TAOK1: variants seen among roughly 807,000 people sequenced by gnomAD.
The protein encoded by TAOK1 is TAO kinase 1, also known as serine/threonine-protein kinase TAO1.
In TAOK1, 21 loss-of-function variants were observed where a neutral mutation model predicts 138.3. That is an observed-to-expected ratio of 0.15 (90% CI 0.11 to 0.22). The LOEUF (loss-of-function observed/expected upper bound fraction) is 0.22, where lower values mean the gene tolerates loss of function less well. TAOK1 is among the 10% of genes least tolerant of loss of function. TAOK1 has a pLI of 1.00. For missense variants in TAOK1, 651 were observed against 1,227.7 expected, an observed-to-expected ratio of 0.53 and a Z score of 7.02; for synonymous variants, 361 against 398.4, an observed-to-expected ratio of 0.91 and a Z score of 1.12.
At chr17:29,416,187 C>A (rs1905259427) in intron 1 of TAOK1, among the ~76,000 whole-genome samples, 1 of 152,020 alleles carries the variant, frequency 6.6e-6, no homozygotes. Flanking sequence ...TCGCTGGAAC[C>A]CAGGAGACAG....
intron 6 of TAOK1, 69 bp downstream of exon 6, chr17:29,478,416 T>A: frequency 8.8e-7 from 1 of 1,142,750 alleles, no homozygotes; most frequent in Non-Finnish European, 1.2e-6. Context: ...TAGAATTTAT[T>A]AACTCTAAAG....
chr17:29,464,262 C>T (rs944559867), intron 2 of TAOK1, among the ~76,000 whole-genome samples: 3 of 150,866 alleles, frequency 2.0e-5, no homozygotes, highest in Non-Finnish European at 3.0e-5. Context: ...GATGAAACCC[C>T]GTCTCTACTA....
intron 13 of TAOK1, among the ~76,000 whole-genome samples, chr17:29,503,668 A>G (rs545984913): frequency 1.3e-5 from 2 of 152,218 alleles, no homozygotes; most frequent in Admixed American, 6.5e-5. Context: ...TAAGAAAAGT[A>G]GGCTATTAGA....
intron 1 of TAOK1, among the ~76,000 whole-genome samples, chr17:29,416,827 A>T (rs1262217212): frequency 6.6e-6 from 1 of 152,066 alleles, no homozygotes; most frequent in African/African-American, 2.4e-5. Context: ...GTTATCTTTT[A>T]TTCTTTTATA....
At chr17:29,482,407 A>G (rs1369079725) in intron 8 of TAOK1, 119 bp downstream of exon 8, 2 of 778,710 alleles carry the variant, frequency 2.6e-6, no homozygotes, top group East Asian at 2.8e-5. Flanking sequence ...AAGGGGGGCA[A>G]TACATTTATT....
chr17:29,438,121 CTG>C (rs1241448749), intron 1 of TAOK1, among the ~76,000 whole-genome samples: 1 of 152,186 alleles, frequency 6.6e-6, no homozygotes, highest in Non-Finnish European at 1.5e-5. Flanking sequence ...ATTGAGAAGA[CTG>C]TTACAAAACA....
intron 3 of TAOK1, among the ~76,000 whole-genome samples, chr17:29,470,233 A>G (rs950500784): frequency 6.6e-6 from 1 of 152,178 alleles, no homozygotes; most frequent in Admixed American, 6.5e-5. Flanking sequence ...TAAGTATTTA[A>G]GGTTGTCATG....
chr17:29,418,171 G>C (rs1905314759), intron 1 of TAOK1, among the ~76,000 whole-genome samples: 1 of 152,054 alleles, frequency 6.6e-6, no homozygotes, highest in East Asian at 1.9e-4. Flanking sequence ...ACAGGCATGA[G>C]CCACTGTGCC....
intron 1 of TAOK1, among the ~76,000 whole-genome samples, chr17:29,402,896 C>T (rs2153020265): frequency 6.6e-6 from 1 of 151,528 alleles, no homozygotes; most frequent in African/African-American, 2.4e-5. Context: ...AAAATTAGGC[C>T]CGGCGCAGTG....
chr17:29,411,767 A>G (rs930901103), intron 1 of TAOK1, among the ~76,000 whole-genome samples: 1 of 152,136 alleles, frequency 6.6e-6, no homozygotes, highest in African/African-American at 2.4e-5. Flanking sequence ...TACAAACAAT[A>G]AAGTGCTTAA....
In TAOK1 at chr17:29,491,383, T is replaced by C. The variant is rs1220412924; in HGVS notation, c.750-401T>C. On this transcript the variant is annotated intron_variant, in intron 9 of 19. Coordinates refer to ENST00000261716, the MANE Select transcript of TAOK1 (RefSeq NM_020791.4). Reference sequence around the variant, plus strand: ...TAGAGTGATATTCTGAAACATGCTATATAGAAGAAGATCCAAGGGGCAAAT... The same window carrying C: ...TAGAGTGATATTCTGAAACATGCTACATAGAAGAAGATCCAAGGGGCAAAT... 5.9e-5 allele frequency among the ~76,000 whole-genome samples: 9 copies of C among 151,836 alleles called. No homozygotes were observed. In the East Asian group the frequency reaches 1.7e-3, roughly 29 times the overall value.
chr17:29,452,138 C>G, intron 2 of TAOK1, among the ~76,000 whole-genome samples: 1 of 152,010 alleles, frequency 6.6e-6, no homozygotes, highest in East Asian at 1.9e-4. Context: ...ATCACCTGAG[C>G]CCAAGAGGCA....
At chr17:29,409,326 TA>T (rs1598468157) in intron 1 of TAOK1, among the ~76,000 whole-genome samples, 248 of 74,616 alleles carry the variant, frequency 3.3e-3, no homozygotes, top group African/African-American at 6.9e-3. Flanking sequence ...TATATATATA[TA>T]TATATATTTT....
chr17:29,524,674 A>T (rs927962357), intron 17 of TAOK1, among the ~76,000 whole-genome samples: 1 of 152,176 alleles, frequency 6.6e-6, no homozygotes, highest in East Asian at 1.9e-4. Flanking sequence ...TCACATTTCT[A>T]TTTACTTAAG....
chr17:29,474,085 A>T (rs1233714594), intron 3 of TAOK1, among the ~76,000 whole-genome samples: 2 of 152,040 alleles, frequency 1.3e-5, no homozygotes, highest in Non-Finnish European at 2.9e-5. Context: ...AAACCTGATG[A>T]AGCAACCTCT....
At chr17:29,435,945 A>ATGG (rs1238534410) in intron 1 of TAOK1, among the ~76,000 whole-genome samples, 1 of 152,200 alleles carries the variant, frequency 6.6e-6, no homozygotes, top group Non-Finnish European at 1.5e-5. Context: ...CCTGGCCAAC[A>ATGG]TGGTGAAACC....
At chr17:29,530,040 AAAAG>A (rs1371657013) in intron 17 of TAOK1, among the ~76,000 whole-genome samples, 3 of 152,102 alleles carry the variant, frequency 2.0e-5, no homozygotes, top group Non-Finnish European at 4.4e-5. Flanking sequence ...AAAAAAAAGA[AAAAG>A]AAAAAGAAAA....
Position 29,482,235 on chromosome 17 carries a change from A to T in TAOK1, c.602A>T (p.Gln201Leu). 6.2e-7 allele frequency: 1 copy of T among 1,612,966 alleles called. No homozygotes were observed. Among genetic ancestry groups the T allele is most frequent in the Non-Finnish European group, 8.5e-7 (1 of 1,179,516 alleles). ...PEVILAMDEGQYDGKVDVWSL... is the reference protein window; with the variant it reads ...PEVILAMDEGLYDGKVDVWSL... ...GTAATTTTAGCCATGGATGAAGGAC[A>T]ATATGATGGCAAAGTAGATGTGTGG... is the stretch of plus-strand genomic sequence containing the variant. The change falls in exon 8 of 20, where the codon CAA becomes CTA. Residue 201 changes from glutamine (Q) to leucine (L), a missense_variant. Physicochemically the swap from Gln to Leu is moderately radical, Grantham distance 113. Transcript: ENST00000261716.
intron 1 of TAOK1, among the ~76,000 whole-genome samples, chr17:29,408,950 C>G (rs1358355803): frequency 6.6e-6 from 1 of 151,920 alleles, no homozygotes; most frequent in African/African-American, 2.4e-5. Flanking sequence ...TGAACTCAGG[C>G]AGTCCACCCG....
Sources: allele counts gnomAD v4.1 joint callset (sites outside exome capture counted in the v4.1 genomes callset), GRCh38; gene constraint gnomAD v4.1.1; transcripts MANE v1.5; gene names NCBI Gene and HGNC (gene_info 2026-07-23, HGNC 2026-07-21).